The following ABR variants were observed in gnomAD, a reference collection of about 807,000 sequenced individuals.
ABR encodes the protein ABR activator of RhoGEF and GTPase, also known as active breakpoint cluster region-related protein.
In ABR, 35 loss-of-function variants were observed where a neutral mutation model predicts 107.2. That is an observed-to-expected ratio of 0.33 (90% confidence interval 0.25 to 0.43). The LOEUF (loss-of-function observed/expected upper bound fraction) is 0.43, where lower values mean the gene tolerates loss of function less well. ABR is among the 20% of genes least tolerant of loss of function. The probability of loss-of-function intolerance (pLI) is 1.00; values close to 1 mark genes in which losing one functional copy is unlikely to be tolerated. For missense variants in ABR, 815 were observed against 1,115.2 expected (o/e 0.73, Z 3.83); for synonymous variants, 498 against 462.0 (o/e 1.08, Z -1.00).
At chr17:1,167,215 T>C (rs1001293255) in intron 1 of ABR, among the ~76,000 whole-genome samples, 3 of 151,986 alleles carry the variant, frequency 2.0e-5, no homozygotes, top group African/African-American at 7.2e-5. Context: ...CTGATGGCCC[T>C]TCTGCCCTCC....
rs148987909 is a variant in ABR at position 1,028,911 on chromosome 17, C to CG, written c.1792-15748dup. On this transcript the variant is annotated intron_variant, in intron 16 of 22. Transcript: ENST00000302538. ...CCTTCAGGCCCTCTTAGCCTCCTCA[C>CG]GGCTCCCACAAGGGGATGCTGCGGG... Among the ~76,000 whole-genome samples, 825 of 142,598 alleles carry CG rather than the reference C, an allele frequency of 5.8e-3. 6 individuals are homozygous for CG. The highest frequency in any genetic ancestry group is 0.019 in the African/African-American group (751 of 40,050). 93.5% of individuals were successfully genotyped at this position (142,598 alleles called of 152,430 possible). A position where few individuals can be genotyped will look rare whatever the true frequency, so the allele number is the denominator to read the frequency against.
At chr17:1,127,437 G>A (rs1213202990) in intron 1 of ABR, among the ~76,000 whole-genome samples, 2 of 152,180 alleles carry the variant, frequency 1.3e-5, no homozygotes, top group African/African-American at 4.8e-5. Context: ...GATGTGAAAT[G>A]ACTCTGGTCC....
At chr17:1,185,983 C>G (rs945874320) in intron 1 of ABR, among the ~76,000 whole-genome samples, 1 of 152,124 alleles carries the variant, frequency 6.6e-6, no homozygotes, top group South Asian at 2.1e-4. Context: ...TTACAGGAGC[C>G]CGCCACCACA....
chr17:1,138,766 CCA>C (rs543594726), intron 1 of ABR, among the ~76,000 whole-genome samples: 1 of 152,304 alleles, frequency 6.6e-6, no homozygotes, highest in African/African-American at 2.4e-5. Context: ...GCATGAGCCA[CCA>C]CACTCTGCCT....
intron 2 of ABR, among the ~76,000 whole-genome samples, chr17:1,119,845 C>G (rs565237261): frequency 6.6e-6 from 1 of 152,194 alleles, no homozygotes; most frequent in African/African-American, 2.4e-5. Flanking sequence ...TTCAATAACA[C>G]GCTGCCCCAC....
At chr17:1,164,611 G>A (rs1028750482) in intron 1 of ABR, among the ~76,000 whole-genome samples, 4 of 152,166 alleles carry the variant, frequency 2.6e-5, no homozygotes, top group African/African-American at 9.7e-5. Flanking sequence ...CATGAACGTC[G>A]GGTGAGCAAC....
At position 1,084,948 on chromosome 17, in the gene ABR, G is replaced by A. The variant is rs938982956; in HGVS notation, c.532-1321C>T. Among the ~76,000 whole-genome samples, 12 of 151,942 alleles carry A rather than the reference G, an allele frequency of 7.9e-5. No individual in the cohort carries two copies. Among genetic ancestry groups the A allele is most frequent in the Admixed American group, 2.6e-4 (4 of 15,244 alleles). ...CTCCCGAGTAGCTGGCGTTACAGGC[G>A]CCCGCCACCACGCCTGGCTAATCTT... On this transcript the variant is annotated intron_variant, in intron 4 of 22. Transcript: ENST00000302538. This position sits in a 1 kb window ranked among gnomAD's most constrained non-coding sequence, Gnocchi z 4.2.
Position 1,005,968 on chromosome 17 carries a change from G to T in ABR, c.*112C>A. The T allele has an allele frequency of 1.0e-6, 1 of 995,598 alleles. No homozygotes were observed. Among genetic ancestry groups the T allele is most frequent in the Non-Finnish European group, 1.5e-6 (1 of 652,894 alleles). The allele number at this position is 995,598 out of a possible 1,614,324, so 61.7% of individuals were successfully genotyped here. A position where few individuals can be genotyped will look rare whatever the true frequency, so the allele number is the denominator to read the frequency against. On this transcript the variant is annotated 3_prime_UTR_variant, in exon 23 of 23. Coordinates refer to ENST00000302538, the MANE Select transcript of ABR (RefSeq NM_021962.5). Reference sequence around the variant, plus strand: ...CAGTTCTTGGAAGCTGGCTTCCCTCGAGTCTGGAGTGCTGGGTTTGGGAGT... The same window carrying T: ...CAGTTCTTGGAAGCTGGCTTCCCTCTAGTCTGGAGTGCTGGGTTTGGGAGT...
At position 1,083,512 on chromosome 17, in the gene ABR, C is replaced by T. The variant is rs764858102; in HGVS notation, c.639+8G>A. 4.5e-5 allele frequency: 71 copies of T among 1,585,768 alleles called. No individual in the cohort carries two copies. The highest frequency in any genetic ancestry group is 5.4e-5 in the African/African-American group (4 of 74,482). On this transcript the variant is annotated splice_region_variant and intron_variant, in intron 5 of 22. Coordinates refer to ENST00000302538, the MANE Select transcript of ABR (RefSeq NM_021962.5). ...TCCCTCAGGGTGGCTATGTGGGGAG[C>T]GGCCTACCTCTGAGATCTTCTGGAA...
rs530370215 is a variant in ABR, at chr17:1,198,589, A to G, written c.838+30204T>C. On this transcript the variant is annotated intron_variant, in intron 1 of 22. Coordinates refer to the ABR transcript ENST00000574139. ...AAACCCCATCTCTACTAAAAATACA[A>G]TATTAACCAGGCGTGGCGGTGTACA... 7.0e-4 allele frequency among the ~76,000 whole-genome samples: 106 copies of G among 151,122 alleles called. 3 individuals carry two copies. The highest frequency in any genetic ancestry group is 2.5e-3 in the African/African-American group (101 of 40,712).
At chr17:1,108,809 G>GC (rs2038440365) in intron 2 of ABR, 10 of 454,196 alleles carry the variant, frequency 2.2e-5, no homozygotes, top group African/African-American at 4.3e-5. Flanking sequence ...TGCCGGGGCC[G>GC]GGACCCTCCG....
chr17:1,198,279 C>T (rs2042607604), intron 1 of ABR, among the ~76,000 whole-genome samples: 2 of 151,550 alleles, frequency 1.3e-5, no homozygotes. Context: ...GACCACTAAC[C>T]CCAACGTCGG....
chr17:1,073,766 A>C, intron 6 of ABR, 89 bp from the exon 7 acceptor site: 2 of 1,234,916 alleles, frequency 1.6e-6, no homozygotes, highest in Non-Finnish European at 2.3e-6. Context: ...CCCCACCCGC[A>C]TGCTTCCCAC....
chr17:1,166,397 C>A lies in ABR; in HGVS notation c.61+13270G>T, dbSNP rs539344276. Among the ~76,000 whole-genome samples the A allele has an allele frequency of 3.9e-5, 6 of 152,196 alleles. No homozygotes were observed. In the South Asian group the frequency reaches 1.0e-3, roughly 26 times the overall value. On this transcript the variant is annotated intron_variant, in intron 1 of 22. Coordinates refer to ENST00000302538, the MANE Select transcript of ABR (RefSeq NM_021962.5). ...CTGGCTGAGAAAGACCAACAGCATC[C>A]CCAAGCAGAGGAACAGCACGTGCAA...
At chr17:1,081,509 T>C (rs187418964) in intron 5 of ABR, among the ~76,000 whole-genome samples, 2 of 152,270 alleles carry the variant, frequency 1.3e-5, no homozygotes, top group East Asian at 3.9e-4. Context: ...GCACACTGGG[T>C]AAGAGGCGTG....
chr17:1,094,555 G>A (rs1258475699), intron 3 of ABR, among the ~76,000 whole-genome samples: 1 of 152,084 alleles, frequency 6.6e-6, no homozygotes, highest in African/African-American at 2.4e-5. Flanking sequence ...AGTTTTTGTA[G>A]ATATGGGGTT....
At chr17:1,133,035 G>A (rs887908961) in intron 1 of ABR, among the ~76,000 whole-genome samples, 16 of 152,116 alleles carry the variant, frequency 1.1e-4, no homozygotes, top group African/African-American at 3.1e-4. Context: ...CTGAGGTCAG[G>A]AGTTCGAGAC....
At chr17:1,040,031 G>A (rs1279391695) in intron 16 of ABR, among the ~76,000 whole-genome samples, 4 of 152,154 alleles carry the variant, frequency 2.6e-5, no homozygotes, top group African/African-American at 4.8e-5. Context: ...CCAGGGGCCC[G>A]GCTGTGGTCA....
chr17:1,180,251 G>C (rs2042089853), upstream of ABR, among the ~76,000 whole-genome samples: 1 of 152,062 alleles, frequency 6.6e-6, no homozygotes, highest in African/African-American at 2.4e-5. Context: ...GGATCCTGGC[G>C]ATCCGCAAAC....
Sources: gnomAD v4.1 joint callset for allele counts (sites outside exome capture counted in the v4.1 genomes callset) on GRCh38, gnomAD v4.1.1 for gene constraint, Gnocchi (gnomAD v3.1) non-coding constraint, MANE v1.5 for transcripts, NCBI Gene and HGNC (gene_info 2026-07-23, HGNC 2026-07-21) for gene names.